Variants in CDKL2 observed in about 807,000 individuals in gnomAD.
CDKL2 encodes the protein cyclin dependent kinase like 2, also known as cyclin-dependent kinase-like 2.
A neutral mutation model predicts 63.9 loss-of-function variants in CDKL2; 64 were observed. That is an observed-to-expected ratio of 1.00 (90% CI 0.82 to 1.23). The LOEUF (loss-of-function observed/expected upper bound fraction) is 1.23, where lower values mean the gene tolerates loss of function less well. CDKL2 is among the 50% of genes most tolerant of loss of function. CDKL2 has a pLI of 0.00. For synonymous variants in CDKL2, 211 were observed against 229.2 expected, an observed-to-expected ratio of 0.92 and a Z score of 0.72; for missense variants, 656 against 668.0, an observed-to-expected ratio of 0.98 and a Z score of 0.20.
chr4:75,629,275 C>CA (rs955835441), intron 1 of CDKL2, among the ~76,000 whole-genome samples: 21 of 151,684 alleles, frequency 1.4e-4, no homozygotes, highest in African/African-American at 4.1e-4. Flanking sequence ...CAAAGTGAAC[C>CA]AAAAAAAATG....
chr4:75,596,309 G>T lies in CDKL2; in HGVS notation c.1354C>A (p.Pro452Thr), dbSNP rs201572052. 1 of 1,611,312 alleles carries T rather than the reference G, an allele frequency of 6.2e-7. No homozygotes were observed. The highest frequency in any genetic ancestry group is 8.5e-7 in the Non-Finnish European group (1 of 1,177,872). ...VDEKTKKCSI[P>T]FVKPNRHSPS... ...GAATGTCTGTTCGGTTTAACAAATG[G>T]AATAGAACACTTCTTAGTTTTCTCA... The change falls in exon 10 of 14, where the codon CCA becomes ACA. Residue 452 changes from proline to threonine, a missense_variant. Transcript: ENST00000307465.
intron 13 of CDKL2, 47 bp downstream of exon 13, chr4:75,581,763 T>C: frequency 1.9e-6 from 2 of 1,043,852 alleles, no homozygotes; most frequent in South Asian, 1.4e-5. Flanking sequence ...CACAAAATAG[T>C]ACCTGTGAAA....
rs376695941 is a variant in CDKL2 at position 75,605,548 on chromosome 4, T to C, written c.629A>G (p.Gln210Arg). ...TAAACACATCATAATATGATATAGC[T>C]GATCAATATCAGAATCTCCAGGAAA... is the stretch of plus-strand genomic sequence containing the variant. ...PLFPGDSDID[Q>R]LYHIMMCLGN... Residue 210 changes from glutamine (Q) to arginine (R), a missense_variant, in exon 5 of 14, where the codon CAG (glutamine) becomes CGG (arginine). Gln to Arg is a conservative substitution (Grantham distance 43). Transcript: ENST00000307465. 6 of 1,608,482 alleles carry C rather than the reference T, an allele frequency of 3.7e-6. No homozygotes were observed. The African/African-American group carries it at 6.7e-5, about 18-fold the overall frequency.
intron 3 of CDKL2, 90 bp downstream of exon 3, chr4:75,614,165 C>T (rs1729825029): frequency 1.2e-6 from 1 of 818,348 alleles, no homozygotes; most frequent in Admixed American, 2.9e-5. Context: ...ATGTCTGCAA[C>T]TTATTTTCAA....
At chr4:75,600,215 G>T (rs982545121) in intron 7 of CDKL2, 66 bp downstream of exon 7, 4 of 990,778 alleles carry the variant, frequency 4.0e-6, no homozygotes, top group Admixed American at 2.0e-5. Context: ...AGTGCTATTT[G>T]TGACTATTGT....
chr4:75,590,541 C>G (rs1217357610), intron 12 of CDKL2, among the ~76,000 whole-genome samples: 1 of 152,054 alleles, frequency 6.6e-6, no homozygotes, highest in Admixed American at 6.6e-5. Context: ...ATGGTGAAAC[C>G]CTGCCTCTAA....
intron 6 of CDKL2, among the ~76,000 whole-genome samples, chr4:75,602,173 G>T (rs868591215): frequency 2.4e-4 from 33 of 138,718 alleles, no homozygotes; most frequent in African/African-American, 6.1e-4. Context: ...TTTTTTTTTT[G>T]TTGTTGTTGT....
chr4:75,582,745 A>T (rs1578311296), intron 12 of CDKL2, among the ~76,000 whole-genome samples: 1 of 152,170 alleles, frequency 6.6e-6, no homozygotes, highest in African/African-American at 2.4e-5. Context: ...CATCATATTT[A>T]AGCTAATGAA....
At chr4:75,580,370 A>G (rs1728207245) in intron 13 of CDKL2, among the ~76,000 whole-genome samples, 1 of 152,238 alleles carries the variant, frequency 6.6e-6, no homozygotes, top group African/African-American at 2.4e-5. Context: ...ATTATCATTC[A>G]AAATGGTCTG....
intron 3 of CDKL2, among the ~76,000 whole-genome samples, chr4:75,608,039 C>G (rs1729502437): frequency 6.6e-6 from 1 of 151,408 alleles, no homozygotes. Context: ...GTCTCGATCT[C>G]CTGACCTCCT....
chr4:75,627,095 C>A (rs894309940), intron 1 of CDKL2, among the ~76,000 whole-genome samples: 2 of 149,390 alleles, frequency 1.3e-5, no homozygotes, highest in African/African-American at 4.9e-5. Context: ...CCCAGCTACT[C>A]GGGAGGCTAA....
At chr4:75,590,551 A>T (rs1190469069) in intron 12 of CDKL2, among the ~76,000 whole-genome samples, 1 of 151,946 alleles carries the variant, frequency 6.6e-6, no homozygotes, top group Non-Finnish European at 1.5e-5. Flanking sequence ...CCTGCCTCTA[A>T]TAAAAATACA....
chr4:75,602,987 C>CTTTTTTT (rs1165939407), intron 6 of CDKL2, among the ~76,000 whole-genome samples: 9 of 87,466 alleles, frequency 1.0e-4, no homozygotes, highest in African/African-American at 2.3e-4. Flanking sequence ...TAAATGGTTT[C>CTTTTTTT]TTTTTTTTTT....
chr4:75,602,162 GT>G (rs111466342), intron 6 of CDKL2, among the ~76,000 whole-genome samples: 2 of 128,336 alleles, frequency 1.6e-5, no homozygotes, highest in African/African-American at 5.3e-5. Context: ...CCTACATTTT[GT>G]TTTTTTTTTG....
intron 7 of CDKL2, among the ~76,000 whole-genome samples, chr4:75,599,566 A>G (rs562809694): frequency 3.9e-4 from 59 of 151,112 alleles, no homozygotes; most frequent in Middle Eastern, 3.4e-3. Context: ...AAAAAAAAAA[A>G]AAAAGAAACT....
intron 12 of CDKL2, among the ~76,000 whole-genome samples, chr4:75,582,392 T>A (rs1035748384): frequency 7.2e-5 from 11 of 152,212 alleles, no homozygotes; most frequent in African/African-American, 2.7e-4. Flanking sequence ...TCTGAAATTT[T>A]AAAATCTCAC....
At chr4:75,622,163 A>G (rs965072283) in intron 2 of CDKL2, among the ~76,000 whole-genome samples, 2 of 152,128 alleles carry the variant, frequency 1.3e-5, no homozygotes, top group Non-Finnish European at 2.9e-5. Context: ...AAAAGAAAAA[A>G]CCTAGATATA....
chr4:75,598,917 G>A (rs1284930286), intron 7 of CDKL2, among the ~76,000 whole-genome samples: 1 of 151,996 alleles, frequency 6.6e-6, no homozygotes, highest in Non-Finnish European at 1.5e-5. Flanking sequence ...GTCACTTCAA[G>A]GAAAACAGAA....
At chr4:75,600,853 A>G (rs1460548355) in intron 6 of CDKL2, among the ~76,000 whole-genome samples, 1 of 152,186 alleles carries the variant, frequency 6.6e-6, no homozygotes, top group African/African-American at 2.4e-5. Flanking sequence ...CAAAAAGACC[A>G]CCAAACATTC....
Sources: allele counts gnomAD v4.1 joint callset (sites outside exome capture counted in the v4.1 genomes callset), GRCh38; gene constraint gnomAD v4.1.1; transcripts MANE v1.5; gene names NCBI Gene and HGNC (gene_info 2026-07-23, HGNC 2026-07-21).